The following MMP26 variants were observed in gnomAD, a reference collection of about 807,000 sequenced individuals.
MMP26 encodes matrix metalloproteinase-26.
A neutral mutation model predicts 31.0 loss-of-function variants in MMP26; 33 were observed. That is an observed-to-expected ratio of 1.06 (90% CI 0.81 to 1.42). MMP26 has a LOEUF of 1.42. MMP26 is among the 40% of genes most tolerant of loss of function. The probability of loss-of-function intolerance (pLI) is 0.00; values close to 1 mark genes in which losing one functional copy is unlikely to be tolerated. For missense variants in MMP26, 347 were observed against 316.1 expected (o/e 1.10, Z -0.74); for synonymous variants, 122 against 114.9 (o/e 1.06, Z -0.40).
At chr11:4,834,321 T>G (rs1849687223) in intron 2 of MMP26, among the ~76,000 whole-genome samples, 1 of 152,114 alleles carries the variant, frequency 6.6e-6, no homozygotes. Context: ...GACACCCAAA[T>G]AACTTTAATA....
chr11:4,799,111 G>C (rs1295773609), intron 2 of MMP26, among the ~76,000 whole-genome samples: 3 of 152,176 alleles, frequency 2.0e-5, no homozygotes, highest in African/African-American at 7.2e-5. Flanking sequence ...CAGTCAACAA[G>C]CTCACTTGAT....
chr11:4,784,332 G>A (rs1217428220), intron 2 of MMP26, among the ~76,000 whole-genome samples: 2 of 152,172 alleles, frequency 1.3e-5, no homozygotes, highest in African/African-American at 4.8e-5. Flanking sequence ...ATCAGAATTA[G>A]CCTTAAAAGA....
chr11:4,979,469 T>TA (rs1214949149), intron 2 of MMP26, among the ~76,000 whole-genome samples: 6 of 152,140 alleles, frequency 3.9e-5, no homozygotes, highest in Non-Finnish European at 7.4e-5. Flanking sequence ...TTGGCACTGA[T>TA]ACCTCTAATG....
chr11:4,708,455 A>G (rs1404217366), intron 1 of MMP26, among the ~76,000 whole-genome samples: 1 of 152,158 alleles, frequency 6.6e-6, no homozygotes, highest in Non-Finnish European at 1.5e-5. Flanking sequence ...GTTAACCTAT[A>G]CTCAAATATT....
chr11:4,781,930 G>T (rs1460136560), intron 2 of MMP26, among the ~76,000 whole-genome samples: 2 of 152,136 alleles, frequency 1.3e-5, no homozygotes, highest in Non-Finnish European at 2.9e-5. Context: ...GACATGACTT[G>T]CTCTTCCTTG....
intron 1 of MMP26, among the ~76,000 whole-genome samples, chr11:4,713,952 C>G (rs1437432577): frequency 3.3e-5 from 5 of 152,030 alleles, no homozygotes; most frequent in Admixed American, 3.3e-4. Flanking sequence ...AGAATGAGCC[C>G]TTGGGAAGCT....
rs190325936 is a variant in MMP26 at position 4,781,410 on chromosome 11, G to T, written c.-145+14069G>T. Among the ~76,000 whole-genome samples, 15 of 89,350 alleles carry T rather than the reference G, an allele frequency of 1.7e-4. 2 individuals are homozygous for T. Among genetic ancestry groups the T allele is most frequent in the Admixed American group, 1.1e-3 (11 of 9,974 alleles). 58.6% of individuals were successfully genotyped at this position (89,350 alleles called of 152,430 possible). A position where few individuals can be genotyped will look rare whatever the true frequency, so the allele number is the denominator to read the frequency against. On this transcript the variant is annotated intron_variant, in intron 2 of 7. Transcript: ENST00000380390. ...AAAATACAAAAAATTAGCCGGGCGC[G>T]GTGGCGGGCGCCTGTAGTCCCAGCT...
intron 2 of MMP26, among the ~76,000 whole-genome samples, chr11:4,767,811 T>C (rs34758607): frequency 0.089 from 13,557 of 152,244 alleles, 807 homozygotes; most frequent in Middle Eastern, 0.15. Flanking sequence ...TATCACTATT[T>C]TTCCAATGGC....
At chr11:4,896,163 C>G (rs1012821045) in intron 2 of MMP26, among the ~76,000 whole-genome samples, 1 of 152,160 alleles carries the variant, frequency 6.6e-6, no homozygotes, top group Non-Finnish European at 1.5e-5. Context: ...ACTCATATTT[C>G]AGACACACTT....
At chr11:4,777,880 A>G (rs977076794) in intron 2 of MMP26, among the ~76,000 whole-genome samples, 3 of 151,956 alleles carry the variant, frequency 2.0e-5, no homozygotes, top group Non-Finnish European at 4.4e-5. Flanking sequence ...CCCATTTTCT[A>G]TTGTGAATAA....
At chr11:4,931,703 T>TGCA (rs1263132273) in intron 2 of MMP26, among the ~76,000 whole-genome samples, 1 of 152,062 alleles carries the variant, frequency 6.6e-6, no homozygotes, top group South Asian at 2.1e-4. Context: ...ATACTGAAGG[T>TGCA]GCAGCAAGGT....
At chr11:4,939,043 A>G (rs927664834) in intron 2 of MMP26, among the ~76,000 whole-genome samples, 2 of 152,082 alleles carry the variant, frequency 1.3e-5, no homozygotes, top group African/African-American at 4.8e-5. Context: ...GAGTTGATAT[A>G]TGTTTCTTAA....
intron 2 of MMP26, chr11:4,876,166 T>C (rs1445375230): frequency 2.0e-5 from 3 of 152,200 alleles, no homozygotes; most frequent in African/African-American, 7.2e-5. Context: ...TGTGGTTATA[T>C]TCTTCATGGT....
chr11:4,943,726 T>G, intron 2 of MMP26: 2 of 354,682 alleles, frequency 5.6e-6, no homozygotes, highest in South Asian at 4.5e-5. Flanking sequence ...AGAGTTGAGA[T>G]TTTAATCCTC....
At chr11:4,964,096 C>A (rs996689408) in intron 2 of MMP26, among the ~76,000 whole-genome samples, 1 of 152,096 alleles carries the variant, frequency 6.6e-6, no homozygotes. Flanking sequence ...TTTTGCTGTG[C>A]AGAAGCTCTT....
intron 2 of MMP26, among the ~76,000 whole-genome samples, chr11:4,899,072 C>G (rs562972469): frequency 6.6e-6 from 1 of 152,146 alleles, no homozygotes; most frequent in South Asian, 2.1e-4. Flanking sequence ...TGAATGTGGC[C>G]TGCTCACCAA....
intron 2 of MMP26, among the ~76,000 whole-genome samples, chr11:4,805,199 T>G (rs1849250652): frequency 6.6e-6 from 1 of 152,228 alleles, no homozygotes; most frequent in Non-Finnish European, 1.5e-5. Context: ...AATTTATGTA[T>G]TGCTTTGAAG....
chr11:4,760,612 C>A (rs1001776768), intron 1 of MMP26, among the ~76,000 whole-genome samples: 6 of 152,168 alleles, frequency 3.9e-5, no homozygotes, highest in African/African-American at 1.4e-4. Flanking sequence ...TAGGCTGTGA[C>A]TAATATTCCC....
At chr11:4,720,718 C>T (rs1300623049) in intron 1 of MMP26, among the ~76,000 whole-genome samples, 4 of 152,112 alleles carry the variant, frequency 2.6e-5, no homozygotes, top group Non-Finnish European at 1.5e-5. Context: ...GGGAGCTGCT[C>T]TTTTGGTTCT....
Sources: gnomAD v4.1 joint callset for allele counts (sites outside exome capture counted in the v4.1 genomes callset) on GRCh38, gnomAD v4.1.1 for gene constraint, MANE v1.5 for transcripts, NCBI Gene and HGNC (gene_info 2026-07-23, HGNC 2026-07-21) for gene names.